The following PTPN2 variants were observed in gnomAD, a reference collection of about 807,000 sequenced individuals.
PTPN2 encodes the protein protein tyrosine phosphatase non-receptor type 2, also known as tyrosine-protein phosphatase non-receptor type 2.
In PTPN2, 19 loss-of-function variants were observed where a neutral mutation model predicts 57.3. The observed-to-expected ratio is 0.33, with a 90% CI of 0.23 to 0.49. The LOEUF (loss-of-function observed/expected upper bound fraction) is 0.49, where lower values mean the gene tolerates loss of function less well. Ranked by LOEUF, PTPN2 falls within the 20% of genes least tolerant of loss-of-function variation. The pLI is 0.99. For missense variants in PTPN2, 358 were observed against 501.1 expected (o/e 0.71, Z 2.73); for synonymous variants, 153 against 164.9 (o/e 0.93, Z 0.55).
chr18:12,794,083 G>C lies in PTPN2; in HGVS notation c.*195C>G. The C allele has an allele frequency of 7.0e-7, 1 of 1,429,030 alleles. No homozygotes were observed. The highest frequency in any genetic ancestry group is 9.1e-7 in the Non-Finnish European group (1 of 1,098,108). The allele number at this position is 1,429,030 out of a possible 1,614,324, so 88.5% of individuals were successfully genotyped here. A position where few individuals can be genotyped will look rare whatever the true frequency, so the allele number is the denominator to read the frequency against. ...TCTTTATTTTAGACAGCCATTTACA[G>C]TTTGGGGTTCAGAGGAACCTGCAGT... On this transcript the variant is annotated 3_prime_UTR_variant, in exon 9 of 9. Coordinates refer to ENST00000309660, the MANE Select transcript of PTPN2 (RefSeq NM_002828.4).
At position 12,868,536 on chromosome 18, in the gene PTPN2, G is replaced by A. The variant is rs569144600; in HGVS notation, c.70-9282C>T. Among the ~76,000 whole-genome samples, 50 of 152,048 alleles carry A rather than the reference G, an allele frequency of 3.3e-4. 2 individuals are homozygous for A. In the South Asian group the frequency reaches 9.8e-3, roughly 30 times the overall value. Reference sequence around the variant, plus strand: ...CTCCCAAAGTGCTGGGATTACAGGCGTGAGCCATCACCTTCATTTGTCATA... The same window carrying A: ...CTCCCAAAGTGCTGGGATTACAGGCATGAGCCATCACCTTCATTTGTCATA... On this transcript the variant is annotated intron_variant, in intron 1 of 8. Coordinates refer to ENST00000309660, the MANE Select transcript of PTPN2 (RefSeq NM_002828.4).
At chr18:12,861,853 G>A (rs868278476) in intron 1 of PTPN2, among the ~76,000 whole-genome samples, 1 of 152,182 alleles carries the variant, frequency 6.6e-6, no homozygotes, top group Non-Finnish European at 1.5e-5. Flanking sequence ...TTTTAGCCCA[G>A]AGAAACACAC....
intron 8 of PTPN2, among the ~76,000 whole-genome samples, chr18:12,799,947 T>C (rs1469084342): frequency 6.6e-6 from 1 of 152,184 alleles, no homozygotes; most frequent in Non-Finnish European, 1.5e-5. Context: ...TTTTCATTTC[T>C]GTAACCTTGT....
chr18:12,819,651 TA>T (rs149833765), intron 5 of PTPN2, among the ~76,000 whole-genome samples: 4,161 of 147,030 alleles, frequency 0.028, 206 homozygotes, highest in East Asian at 0.21. Context: ...TATTGTAGGT[TA>T]AAAAAAAAAG....
At chr18:12,813,576 G>C (rs912243655) in intron 7 of PTPN2, among the ~76,000 whole-genome samples, 1 of 152,158 alleles carries the variant, frequency 6.6e-6, no homozygotes, top group Non-Finnish European at 1.5e-5. Flanking sequence ...TGAAAAGACA[G>C]TCGATCTTCT....
chr18:12,819,635 C>T (rs1245408842), intron 5 of PTPN2, among the ~76,000 whole-genome samples: 1 of 151,402 alleles, frequency 6.6e-6, no homozygotes, highest in African/African-American at 2.4e-5. Flanking sequence ...CAAAAGGAAT[C>T]AATCTTATTG....
At chr18:12,878,800 T>A (rs144499050) in intron 1 of PTPN2, among the ~76,000 whole-genome samples, 1 of 152,148 alleles carries the variant, frequency 6.6e-6, no homozygotes, top group Non-Finnish European at 1.5e-5. Context: ...TGAGCTATGA[T>A]TGCACCACTG....
chr18:12,849,096 T>A (rs1291931414), intron 2 of PTPN2, among the ~76,000 whole-genome samples: 2 of 152,242 alleles, frequency 1.3e-5, no homozygotes, highest in African/African-American at 4.8e-5. Flanking sequence ...CATCATGTCA[T>A]CATTATGAGT....
intron 2 of PTPN2, among the ~76,000 whole-genome samples, chr18:12,839,928 G>A (rs567188827): frequency 6.7e-6 from 1 of 149,702 alleles, no homozygotes; most frequent in East Asian, 2.0e-4. Flanking sequence ...TTTCAATACT[G>A]TCATCATAAG....
intron 2 of PTPN2, among the ~76,000 whole-genome samples, chr18:12,858,917 A>G (rs917355493): frequency 1.3e-5 from 2 of 152,262 alleles, no homozygotes; most frequent in Non-Finnish European, 2.9e-5. Flanking sequence ...AACTGTGCAT[A>G]AGAAAAACAG....
intron 2 of PTPN2, among the ~76,000 whole-genome samples, chr18:12,847,937 A>C (rs1370055185): frequency 1.3e-5 from 2 of 151,802 alleles, no homozygotes; most frequent in South Asian, 4.1e-4. Flanking sequence ...AAAATTGAAG[A>C]TAGAACTAAA....
chr18:12,860,670 G>A (rs2043773739), intron 1 of PTPN2, among the ~76,000 whole-genome samples: 1 of 152,146 alleles, frequency 6.6e-6, no homozygotes, highest in South Asian at 2.1e-4. Flanking sequence ...GCTGAGGCAT[G>A]AGAATCGCTT....
At chr18:12,870,500 A>AGAGAGAGAGAGAGAG (rs765653644) in intron 1 of PTPN2, among the ~76,000 whole-genome samples, 1 of 52,752 alleles carries the variant, frequency 1.9e-5, no homozygotes, top group Non-Finnish European at 3.3e-5. Context: ...GAGAGAGAGA[A>AGAGAGAGAGAGAGAG]AAGCGTGTTG....
At chr18:12,859,065 G>T in intron 2 of PTPN2, 99 bp downstream of exon 2, 1 of 760,850 alleles carries the variant, frequency 1.3e-6, no homozygotes, top group Non-Finnish European at 2.1e-6. Context: ...AAAAATTACT[G>T]TATTTATCAA....
chr18:12,794,640 G>C (rs991565427), intron 8 of PTPN2, among the ~76,000 whole-genome samples, 155 bp from the exon 9 acceptor site: 2 of 152,098 alleles, frequency 1.3e-5, no homozygotes, highest in Non-Finnish European at 2.9e-5. Context: ...ATATTCTTTT[G>C]AGACAGCGTC....
intron 2 of PTPN2, among the ~76,000 whole-genome samples, chr18:12,840,039 T>C (rs1417207706): frequency 6.6e-6 from 1 of 152,124 alleles, no homozygotes; most frequent in Non-Finnish European, 1.5e-5. Flanking sequence ...GAAAGGAGAA[T>C]TTGTATTCAT....
intron 7 of PTPN2, among the ~76,000 whole-genome samples, chr18:12,812,978 C>T (rs1261027511): frequency 6.6e-6 from 1 of 151,528 alleles, no homozygotes; most frequent in Non-Finnish European, 1.5e-5. Context: ...AAAAGATCCA[C>T]CCTCAGATAA....
chr18:12,793,638 A>T lies in PTPN2; in HGVS notation c.*640T>A. ...TGCTTATTCCAACTTCTAACTGCTC[A>T]TATCAAACTTCTCTTTAGAAAAATG... On this transcript the variant is annotated 3_prime_UTR_variant, in exon 9 of 9. Transcript: ENST00000309660. 1 of 982,742 alleles carries T rather than the reference A, an allele frequency of 1.0e-6. No homozygotes were observed. Among genetic ancestry groups the T allele is most frequent in the Non-Finnish European group, 1.2e-6 (1 of 827,052 alleles). The allele number at this position is 982,742 out of a possible 1,614,324, so 60.9% of individuals were successfully genotyped here.
chr18:12,834,537 G>A (rs2042784651), intron 3 of PTPN2, among the ~76,000 whole-genome samples: 1 of 152,062 alleles, frequency 6.6e-6, no homozygotes, highest in African/African-American at 2.4e-5. Context: ...TTTTATGAAA[G>A]TCTGTTTTAT....
Sources: allele counts gnomAD v4.1 joint callset (sites outside exome capture counted in the v4.1 genomes callset), GRCh38; gene constraint gnomAD v4.1.1; transcripts MANE v1.5; gene names NCBI Gene and HGNC (gene_info 2026-07-23, HGNC 2026-07-21).